CDH4: variants seen among roughly 807,000 people sequenced by gnomAD.
The protein encoded by CDH4 is cadherin-4.
A neutral mutation model predicts 86.0 loss-of-function variants in CDH4; 33 were observed. That is an observed-to-expected ratio of 0.38 (90% CI 0.29 to 0.51). The LOEUF (loss-of-function observed/expected upper bound fraction) is 0.51. Ranked by LOEUF, CDH4 falls within the 20% of genes least tolerant of loss-of-function variation. The pLI is 0.86. For missense variants in CDH4, 1,114 were observed against 1,307.4 expected (o/e 0.85, Z 2.28); for synonymous variants, 555 against 549.4 (o/e 1.01, Z -0.14).
intron 6 of CDH4, among the ~76,000 whole-genome samples, chr20:61,856,188 C>T (rs1236075071): frequency 6.6e-6 from 1 of 152,202 alleles, no homozygotes; most frequent in Non-Finnish European, 1.5e-5. Flanking sequence ...AGAAATTAGT[C>T]ATTATTCTCT....
At chr20:61,402,564 G>T (rs965360846) in intron 2 of CDH4, among the ~76,000 whole-genome samples, 2 of 152,020 alleles carry the variant, frequency 1.3e-5, no homozygotes, top group African/African-American at 2.4e-5. Context: ...GCTAATTTTT[G>T]ATTTTTAGTA....
At chr20:61,607,127 C>T (rs1034303133) in intron 2 of CDH4, among the ~76,000 whole-genome samples, 7 of 152,216 alleles carry the variant, frequency 4.6e-5, no homozygotes, top group African/African-American at 1.7e-4. Flanking sequence ...ACCTGAAACC[C>T]AGGCACCAAC....
chr20:61,777,611 C>CGT (rs2088856261), intron 4 of CDH4, among the ~76,000 whole-genome samples: 1 of 151,678 alleles, frequency 6.6e-6, no homozygotes, highest in Non-Finnish European at 1.5e-5. Flanking sequence ...CATCCACATG[C>CGT]GCACACACGT....
At chr20:61,285,472 G>A (rs1230546226) in intron 2 of CDH4, among the ~76,000 whole-genome samples, 1 of 152,364 alleles carries the variant, frequency 6.6e-6, no homozygotes, top group East Asian at 1.9e-4. Context: ...GTATGGAGAA[G>A]AAGGAAAGAG....
At position 61,332,158 on chromosome 20, in the gene CDH4, C is replaced by A. The variant is rs893919890; in HGVS notation, c.169+77221C>A. The stretch of plus-strand genomic sequence containing the variant: ...TCCTTCTCAGTCACACCCCCTCTGC[C>A]AGCCTGCCCGTGGCCCTCACTCCTC... On this transcript the variant is annotated intron_variant, in intron 2 of 15. Coordinates refer to ENST00000614565, the MANE Select transcript of CDH4 (RefSeq NM_001794.5). Among the ~76,000 whole-genome samples, 7 of 152,320 alleles carry A rather than the reference C, an allele frequency of 4.6e-5. No individual in the cohort carries two copies. In the South Asian group the frequency reaches 1.5e-3, roughly 32 times the overall value.
chr20:61,915,002 G>A (rs1422172459), intron 9 of CDH4, among the ~76,000 whole-genome samples: 2 of 152,168 alleles, frequency 1.3e-5, no homozygotes, highest in African/African-American at 4.8e-5. Context: ...AGGCCCCAAT[G>A]TGATCAGCTA....
At chr20:61,801,128 C>A (rs1238477558) in intron 4 of CDH4, among the ~76,000 whole-genome samples, 1 of 152,166 alleles carries the variant, frequency 6.6e-6, no homozygotes, top group Non-Finnish European at 1.5e-5. Context: ...GCCACAGCAC[C>A]GGGGCTCCTG....
Position 61,939,012 on chromosome 20 carries a change from TC to T in CDH4, c.*2073del, listed in dbSNP as rs1465920625. On this transcript the variant is annotated 3_prime_UTR_variant, in exon 16 of 16. Coordinates refer to ENST00000614565, the MANE Select transcript of CDH4 (RefSeq NM_001794.5). ...GGCAGCTGGCCAGGCCGCACCGGGG[TC>T]CCCGAGTTCTGAGCTGTGCTATGCA... 2 of 152,290 alleles carry T rather than the reference TC, an allele frequency of 1.3e-5. No homozygotes were observed. The highest frequency in any genetic ancestry group is 1.9e-4 in the East Asian group (1 of 5,170). 9.4% of individuals were successfully genotyped at this position (152,290 alleles called of 1,614,324 possible). A position where few individuals can be genotyped will look rare whatever the true frequency, so the allele number is the denominator to read the frequency against.
At chr20:61,834,130 G>C (rs148752711) in intron 4 of CDH4, among the ~76,000 whole-genome samples, 2 of 152,224 alleles carry the variant, frequency 1.3e-5, no homozygotes, top group Non-Finnish European at 2.9e-5. Flanking sequence ...AGGGTGGGCC[G>C]GGGTGATTTC....
At chr20:61,280,651 A>G (rs1169559369) in intron 2 of CDH4, among the ~76,000 whole-genome samples, 1 of 152,224 alleles carries the variant, frequency 6.6e-6, no homozygotes, top group Non-Finnish European at 1.5e-5. Context: ...ACACGGACTT[A>G]TGGGAAATAA....
intron 15 of CDH4, among the ~76,000 whole-genome samples, chr20:61,936,451 A>T (rs906447428): frequency 1.1e-5 from 1 of 92,594 alleles, no homozygotes; most frequent in Non-Finnish European, 2.1e-5. Flanking sequence ...GGTTGGGAGG[A>T]GCTGAACTCC....
intron 2 of CDH4, among the ~76,000 whole-genome samples, chr20:61,406,847 A>ATACAG (rs2085087054): frequency 7.7e-6 from 1 of 130,392 alleles, no homozygotes; most frequent in Non-Finnish European, 1.6e-5. Flanking sequence ...CTCTGCCTGG[A>ATACAG]CCACCATCTG....
At chr20:61,873,602 G>A in intron 6 of CDH4, 126 bp from the exon 7 acceptor site, 3 of 968,248 alleles carry the variant, frequency 3.1e-6, no homozygotes, top group South Asian at 1.6e-5. Flanking sequence ...CACGCCGAGA[G>A]GAAGGGGGTT....
chr20:61,648,364 A>G (rs1230069383), intron 2 of CDH4, among the ~76,000 whole-genome samples: 4 of 151,692 alleles, frequency 2.6e-5, no homozygotes, highest in African/African-American at 9.7e-5. Flanking sequence ...ATAAGGACTC[A>G]CTCCTCTGTG....
At chr20:61,734,584 G>T (rs951870888) in intron 2 of CDH4, among the ~76,000 whole-genome samples, 1 of 145,276 alleles carries the variant, frequency 6.9e-6, no homozygotes, top group Non-Finnish European at 1.5e-5. Flanking sequence ...TTCAATAAGG[G>T]TGTGGGAAAC....
At chr20:61,274,551 ACTTGGGGGAGTACCGTGCACAG>A (rs1961158678) in intron 2 of CDH4, among the ~76,000 whole-genome samples, 1 of 110,566 alleles carries the variant, frequency 9.0e-6, no homozygotes, top group Non-Finnish European at 1.7e-5. Context: ...ACCATGTGCA[ACTTGGGGGAGTACCGTGCACAG>A]CTTGGGGGAG....
intron 2 of CDH4, among the ~76,000 whole-genome samples, chr20:61,625,188 T>G (rs951555001): frequency 6.6e-6 from 1 of 152,144 alleles, no homozygotes; most frequent in African/African-American, 2.4e-5. Context: ...GAGCTGTGCA[T>G]GGACTATCTG....
At chr20:61,777,642 A>G (rs2088857397) in intron 4 of CDH4, among the ~76,000 whole-genome samples, 1 of 146,762 alleles carries the variant, frequency 6.8e-6, no homozygotes, top group Non-Finnish European at 1.5e-5. Context: ...ACACACGTCT[A>G]CACACGCACA....
At chr20:61,333,046 T>C (rs987330791) in intron 2 of CDH4, among the ~76,000 whole-genome samples, 1 of 152,232 alleles carries the variant, frequency 6.6e-6, no homozygotes, top group Non-Finnish European at 1.5e-5. Context: ...TATTTGTTTG[T>C]AAAGGGTGGC....
Sources: allele counts gnomAD v4.1 joint callset (sites outside exome capture counted in the v4.1 genomes callset), GRCh38; gene constraint gnomAD v4.1.1; transcripts MANE v1.5; gene names NCBI Gene and HGNC (gene_info 2026-07-23, HGNC 2026-07-21).